ADAMTS2: variants seen among roughly 807,000 people sequenced by gnomAD.
The protein encoded by ADAMTS2 is ADAM metallopeptidase with thrombospondin type 1 motif 2, also known as A disintegrin and metalloproteinase with thrombospondin motifs 2.
A neutral mutation model predicts 123.0 loss-of-function variants in ADAMTS2; 50 were observed. That is an observed-to-expected ratio of 0.41 (90% CI 0.32 to 0.51). ADAMTS2 has a LOEUF of 0.51. Ranked by LOEUF, ADAMTS2 falls within the 20% of genes least tolerant of loss-of-function variation. The pLI, the probability that ADAMTS2 is intolerant of heterozygous loss-of-function variation, is 0.35. For missense variants in ADAMTS2, 1,494 were observed against 1,705.2 expected (o/e 0.88, Z 2.18); for synonymous variants, 678 against 695.4 (o/e 0.98, Z 0.39).
intron 3 of ADAMTS2, among the ~76,000 whole-genome samples, chr5:179,241,498 C>G (rs959186924): frequency 6.6e-6 from 1 of 152,198 alleles, no homozygotes; most frequent in Non-Finnish European, 1.5e-5. Context: ...GGCTTTGGGC[C>G]TCACTGCCTT....
chr5:179,336,987 C>T (rs1020711835), intron 2 of ADAMTS2, among the ~76,000 whole-genome samples: 1 of 152,220 alleles, frequency 6.6e-6, no homozygotes. Context: ...AGCTGTGCAC[C>T]CCACTCTGCA....
intron 4 of ADAMTS2, among the ~76,000 whole-genome samples, chr5:179,206,605 C>T (rs988517641): frequency 1.1e-4 from 16 of 152,180 alleles, no homozygotes; most frequent in African/African-American, 2.9e-4. Context: ...CATTCCAGGC[C>T]GTGCCCTGGT....
intron 5 of ADAMTS2, among the ~76,000 whole-genome samples, chr5:179,166,616 A>C (rs904283221): frequency 1.3e-5 from 2 of 152,162 alleles, no homozygotes; most frequent in African/African-American, 4.8e-5. Flanking sequence ...GGCTGCGTCC[A>C]GCTCCAAGTC....
intron 5 of ADAMTS2, among the ~76,000 whole-genome samples, chr5:179,167,104 T>C (rs145673177): frequency 0.026 from 4,016 of 152,164 alleles, 187 homozygotes; most frequent in African/African-American, 0.093. Flanking sequence ...AGCGCCCCGC[T>C]AGGCTCAGGC....
At chr5:179,292,278 C>G (rs1041005666) in intron 2 of ADAMTS2, among the ~76,000 whole-genome samples, 1 of 151,510 alleles carries the variant, frequency 6.6e-6, no homozygotes, top group Non-Finnish European at 1.5e-5. Flanking sequence ...TATACAGCAT[C>G]TCCACACAAA....
At chr5:179,184,509 T>TCAAAAAAAAA (rs1290290563) in intron 4 of ADAMTS2, among the ~76,000 whole-genome samples, 6 of 91,416 alleles carry the variant, frequency 6.6e-5, no homozygotes, top group African/African-American at 2.3e-4. Context: ...AGACTCTGTC[T>TCAAAAAAAAA]AAAAAAAAAA....
At chr5:179,165,770 G>A (rs1196373564) in intron 5 of ADAMTS2, among the ~76,000 whole-genome samples, 1 of 152,142 alleles carries the variant, frequency 6.6e-6, no homozygotes, top group Non-Finnish European at 1.5e-5. Flanking sequence ...TCTTCACAGC[G>A]GCAGCAGCTC....
rs1227105956 is a variant in ADAMTS2, at chr5:179,202,415, T to C, written c.891+5098A>G. Reference sequence around the variant, plus strand: ...CCTGAGCTGTAGAAAGTGGCCTGCCTTCCCCTACCCTTCTTCCTTCTCCAT... The same window carrying C: ...CCTGAGCTGTAGAAAGTGGCCTGCCCTCCCCTACCCTTCTTCCTTCTCCAT... On this transcript the variant is annotated intron_variant, in intron 4 of 21. Transcript: ENST00000251582. The surrounding 1 kb of genome is among the most constrained non-coding windows in gnomAD (Gnocchi z 4.0). Among the ~76,000 whole-genome samples the C allele has an allele frequency of 6.6e-6, 1 of 152,222 alleles. No individual in the cohort carries two copies. The highest frequency in any genetic ancestry group is 1.5e-5 in the Non-Finnish European group (1 of 68,046).
At chr5:179,123,551 G>A (rs1762798376) in intron 19 of ADAMTS2, among the ~76,000 whole-genome samples, 1 of 152,120 alleles carries the variant, frequency 6.6e-6, no homozygotes, top group South Asian at 2.1e-4. Context: ...TTAGCCTCCC[G>A]AGGAGCAGGG....
chr5:179,193,379 C>T (rs796142726), intron 4 of ADAMTS2, among the ~76,000 whole-genome samples: 8 of 152,210 alleles, frequency 5.3e-5, no homozygotes, highest in African/African-American at 1.9e-4. Flanking sequence ...GTGTTATCCC[C>T]GCTGTGCCAG....
intron 10 of ADAMTS2, among the ~76,000 whole-genome samples, chr5:179,142,383 A>G (rs555101631): frequency 2.0e-5 from 3 of 152,314 alleles, no homozygotes; most frequent in South Asian, 4.1e-4. Context: ...AGACAGAACC[A>G]GGGACAAAGA....
At chr5:179,121,936 G>C in intron 20 of ADAMTS2, 186 bp from the exon 21 acceptor site, 1 of 450,604 alleles carries the variant, frequency 2.2e-6, no homozygotes, top group South Asian at 4.5e-5. Flanking sequence ...GACAGCAGCC[G>C]GGGTCTCAGC....
intron 2 of ADAMTS2, among the ~76,000 whole-genome samples, chr5:179,338,043 G>C (rs1757669201): frequency 6.6e-6 from 1 of 152,258 alleles, no homozygotes; most frequent in Non-Finnish European, 1.5e-5. Context: ...GAGCCATTGG[G>C]CAGGAGAAGC....
intron 5 of ADAMTS2, among the ~76,000 whole-genome samples, chr5:179,173,212 T>TTAA (rs71589488): frequency 0.05 from 7,200 of 145,084 alleles, 242 homozygotes; most frequent in African/African-American, 0.078. Context: ...ACCCCATCTC[T>TTAA]TAATAATAAT....
intron 2 of ADAMTS2, among the ~76,000 whole-genome samples, chr5:179,297,674 T>C (rs1756379963): frequency 6.6e-6 from 1 of 152,108 alleles, no homozygotes; most frequent in Admixed American, 6.5e-5. Flanking sequence ...ATGAAGTCAC[T>C]GGCAGAGTGC....
intron 21 of ADAMTS2, among the ~76,000 whole-genome samples, chr5:179,116,270 C>CA (rs1762658260): frequency 1.8e-5 from 2 of 111,220 alleles, no homozygotes; most frequent in Non-Finnish European, 3.7e-5. Flanking sequence ...ACCCCCCCCC[C>CA]ACCCCCCGCC....
rs773816581 is a variant in ADAMTS2, at chr5:179,158,708, A to G, written c.1132+15T>C. The G allele has an allele frequency of 6.2e-7, 1 of 1,614,028 alleles. No homozygotes were observed. The highest frequency in any genetic ancestry group is 8.5e-7 in the Non-Finnish European group (1 of 1,180,016). ...CAGCTTCACGCCTCTGTGGCCCTGC[A>G]TGGGTGAGGCTCACCTTGCATGCCG... is the stretch of plus-strand genomic sequence containing the variant. On this transcript the variant is annotated intron_variant, in intron 6 of 21. Coordinates refer to ENST00000251582, the MANE Select transcript of ADAMTS2 (RefSeq NM_014244.5). This position sits in a 1 kb window ranked among gnomAD's most constrained non-coding sequence, Gnocchi z 5.0.
At position 179,189,886 on chromosome 5, in the gene ADAMTS2, C is replaced by T. The variant is rs2113333934; in HGVS notation, c.892-8731G>A. ...GGGTGTATCATACAAAGTAGATTCA[C>T]AAGGGCGGGTCCGGCGGGGGCGGGT... On this transcript the variant is annotated intron_variant, in intron 4 of 21. Transcript: ENST00000251582. The surrounding 1 kb of genome is among the most constrained non-coding windows in gnomAD (Gnocchi z 4.2). Among the ~76,000 whole-genome samples, 1 of 151,056 alleles carries T rather than the reference C, an allele frequency of 6.6e-6. No individual in the cohort carries two copies. Among genetic ancestry groups the T allele is most frequent in the Non-Finnish European group, 1.5e-5 (1 of 67,868 alleles).
intron 3 of ADAMTS2, among the ~76,000 whole-genome samples, chr5:179,252,496 T>C (rs945729485): frequency 6.6e-6 from 1 of 152,214 alleles, no homozygotes; most frequent in Non-Finnish European, 1.5e-5. Flanking sequence ...TGAGTTGTAT[T>C]TTTGAAGTTC....
Sources: gnomAD v4.1 joint callset for allele counts (sites outside exome capture counted in the v4.1 genomes callset) on GRCh38, gnomAD v4.1.1 for gene constraint, Gnocchi (gnomAD v3.1) non-coding constraint, MANE v1.5 for transcripts, NCBI Gene and HGNC (gene_info 2026-07-23, HGNC 2026-07-21) for gene names.